Variants in IQUB observed in about 807,000 individuals in gnomAD.
IQUB encodes the protein IQ motif and ubiquitin-like domain-containing protein.
In IQUB, 86 loss-of-function variants were observed where a neutral mutation model predicts 86.4. The ratio of observed to expected loss-of-function variants is 1.00; its 90% CI spans 0.84 to 1.19. IQUB has a LOEUF of 1.19. Ranked by LOEUF, IQUB falls within the 50% of genes most tolerant of loss-of-function variation. The probability of loss-of-function intolerance (pLI) is 0.00; values close to 1 mark genes in which losing one functional copy is unlikely to be tolerated. For synonymous variants in IQUB, 289 were observed against 304.5 expected, an observed-to-expected ratio of 0.95 and a Z score of 0.53; for missense variants, 946 against 916.9, an observed-to-expected ratio of 1.03 and a Z score of -0.41.
intron 1 of IQUB, among the ~76,000 whole-genome samples, chr7:123,529,370 C>T (rs553909685): frequency 4.5e-4 from 69 of 151,756 alleles, no homozygotes; most frequent in African/African-American, 1.5e-3. Flanking sequence ...ATGTAAAATA[C>T]GATTCTGCCG....
rs369481697 is a variant in IQUB, at chr7:123,454,396, TAAGTA to T, written c.2194-1476_2194-1472del. Among the ~76,000 whole-genome samples the T allele has an allele frequency of 3.0e-4, 46 of 152,174 alleles. No individual in the cohort carries two copies. In the East Asian group the frequency reaches 8.3e-3, roughly 27 times the overall value. ...TTCCATATTATATTATTTATATTGTTAAGTAAAGCAAAGAAACTAAGTCTCAGAGT... is the reference window on the plus strand; with the variant it reads ...TTCCATATTATATTATTTATATTGTTAAGCAAAGAAACTAAGTCTCAGAGT... On this transcript the variant is annotated intron_variant, in intron 12 of 12. Transcript: ENST00000324698.
intron 6 of IQUB, among the ~76,000 whole-genome samples, chr7:123,498,727 GA>G (rs1795813684): frequency 6.6e-6 from 1 of 152,160 alleles, no homozygotes; most frequent in Admixed American, 6.5e-5. Context: ...CCAGTAAATA[GA>G]GGGAAAAGGA....
rs557412621 is a variant in IQUB, at chr7:123,526,326, T to G, written c.-5+8166A>C. ...GTGTTAAAGTCTCCCATTATTAATG[T>G]GTGGGAGTCTAAGTCTCTTTGTAGG... is the stretch of plus-strand genomic sequence containing the variant. On this transcript the variant is annotated intron_variant, in intron 1 of 12. Transcript: ENST00000324698. Among the ~76,000 whole-genome samples, 103 of 151,712 alleles carry G rather than the reference T, an allele frequency of 6.8e-4. 1 individual carries two copies. The highest frequency in any genetic ancestry group is 1.0e-3 in the Non-Finnish European group (70 of 67,632).
At position 123,496,813 on chromosome 7, in the gene IQUB, T is replaced by C; in HGVS notation, c.1117A>G (p.Thr373Ala). 1 of 1,612,808 alleles carries C rather than the reference T, an allele frequency of 6.2e-7. No homozygotes were observed. Among genetic ancestry groups the C allele is most frequent in the African/African-American group, 1.3e-5 (1 of 75,024 alleles). ...CTTATCTTCCTTAGTTCTTGCTGTG[T>C]TTCCCATTCCAGTCTTAAGCTTTTC... ...RQKSLRLEWE[T>A]QQELRKIREK... is the part of the protein sequence containing the mutation. The change falls in exon 7 of 13, where the codon ACA becomes GCA. Residue 373 changes from threonine (T) to alanine (A), a missense_variant. Transcript: ENST00000324698.
rs569667111 is a variant in IQUB, at chr7:123,531,402, G to A, written c.-5+3090C>T. Among the ~76,000 whole-genome samples, 4 of 152,024 alleles carry A rather than the reference G, an allele frequency of 2.6e-5. No individual in the cohort carries two copies. The South Asian group carries it at 8.3e-4, about 32-fold the overall frequency. On this transcript the variant is annotated intron_variant, in intron 1 of 12. Coordinates refer to ENST00000324698, the MANE Select transcript of IQUB (RefSeq NM_178827.5). Reference sequence around the variant, plus strand: ...ACTGCTTGGAGGCAACACCAAACACGACACATAAATCATTGTTGAAAAAAA... The same window carrying A: ...ACTGCTTGGAGGCAACACCAAACACAACACATAAATCATTGTTGAAAAAAA...
At chr7:123,521,739 T>C (rs753883295) in intron 1 of IQUB, among the ~76,000 whole-genome samples, 1 of 151,966 alleles carries the variant, frequency 6.6e-6, no homozygotes, top group Non-Finnish European at 1.5e-5. Context: ...CTAAGGTTCA[T>C]AGGTCCTTAA....
Position 123,469,253 on chromosome 7 carries a change from C to T in IQUB, c.1542G>A (p.Glu514=), listed in dbSNP as rs781689082. 1.9e-6 allele frequency: 3 copies of T among 1,602,992 alleles called. No individual in the cohort carries two copies. The highest frequency in any genetic ancestry group is 2.6e-6 in the Non-Finnish European group (3 of 1,175,142). ...CIMLKNISQD[E]RLDVLLTLKH... is the part of the protein sequence containing the mutation. ...TAAGAGTTAACAGCACATCCAGCCTCTCATCTTGGGAGATATTTTTCAGCA... is the reference window on the plus strand; with the variant it reads ...TAAGAGTTAACAGCACATCCAGCCTTTCATCTTGGGAGATATTTTTCAGCA... The change falls in exon 9 of 13, where the codon GAG becomes GAA. Residue 514 remains glutamate, a synonymous_variant. Coordinates refer to ENST00000324698, the MANE Select transcript of IQUB (RefSeq NM_178827.5).
At position 123,512,251 on chromosome 7, in the gene IQUB, T is replaced by G. The variant is rs749052376; in HGVS notation, c.90A>C (p.Pro30=). 11 of 1,613,518 alleles carry G rather than the reference T, an allele frequency of 6.8e-6. No individual in the cohort carries two copies. The highest frequency in any genetic ancestry group is 6.7e-5 in the Admixed American group (4 of 60,010). The change falls in exon 2 of 13, where the codon CCA becomes CCC. Residue 30 remains proline (P), a synonymous_variant. Transcript: ENST00000324698. ...SDDAFDTVTI[P]VPSEEPQESD... ...ACTCTTGAGGCTCTTCTGAGGGAAC[T>G]GGAATAGTGACAGTATCAAAAGCAT...
At chr7:123,525,429 G>A (rs1303899874) in intron 1 of IQUB, among the ~76,000 whole-genome samples, 1 of 152,108 alleles carries the variant, frequency 6.6e-6, no homozygotes, top group East Asian at 1.9e-4. Flanking sequence ...TTTAGTCTTG[G>A]GAGAGTGTAT....
At chr7:123,454,654 T>C (rs1220613117) in intron 12 of IQUB, among the ~76,000 whole-genome samples, 3 of 152,140 alleles carry the variant, frequency 2.0e-5, no homozygotes, top group African/African-American at 7.2e-5. Flanking sequence ...ACAAATTCTT[T>C]GGGTGTACAA....
chr7:123,472,511 A>T (rs1490478090), intron 8 of IQUB, among the ~76,000 whole-genome samples: 1 of 152,208 alleles, frequency 6.6e-6, no homozygotes, highest in Admixed American at 6.5e-5. Flanking sequence ...GACTGTAGAT[A>T]AATAGGTAAC....
chr7:123,527,806 A>T (rs1204751440), intron 1 of IQUB, among the ~76,000 whole-genome samples: 1 of 152,038 alleles, frequency 6.6e-6, no homozygotes, highest in Non-Finnish European at 1.5e-5. Context: ...GAGCCTACAG[A>T]GGCAGGCAGG....
chr7:123,469,759 T>C (rs1015418278), intron 8 of IQUB, among the ~76,000 whole-genome samples: 2 of 152,220 alleles, frequency 1.3e-5, no homozygotes, highest in African/African-American at 4.8e-5. Flanking sequence ...GCCTTGCCAA[T>C]TGAATATAAC....
intron 7 of IQUB, among the ~76,000 whole-genome samples, chr7:123,492,949 C>T (rs1183900881): frequency 6.6e-6 from 1 of 152,144 alleles, no homozygotes; most frequent in African/African-American, 2.4e-5. Context: ...CCTCAAATTG[C>T]CCTGTTGCAG....
In IQUB at chr7:123,523,543, T is replaced by C. The variant is rs562577363; in HGVS notation, c.-5+10949A>G. Among the ~76,000 whole-genome samples the C allele has an allele frequency of 5.3e-5, 8 of 152,298 alleles. No individual in the cohort carries two copies. The East Asian group carries it at 7.7e-4, about 15-fold the overall frequency. The stretch of plus-strand genomic sequence containing the variant: ...TTCATCTCCTTTGCCCACTTTTTGA[T>C]GGGGTAGTTTGTTTTTTTCTTGTAA... On this transcript the variant is annotated intron_variant, in intron 1 of 12. Coordinates refer to ENST00000324698, the MANE Select transcript of IQUB (RefSeq NM_178827.5).
At chr7:123,470,109 T>C (rs1794455016) in intron 8 of IQUB, among the ~76,000 whole-genome samples, 1 of 152,118 alleles carries the variant, frequency 6.6e-6, no homozygotes, top group South Asian at 2.1e-4. Context: ...AATTCAGAGA[T>C]TAGAGACAGG....
chr7:123,533,326 TGTTA>T (rs1797629542), intron 1 of IQUB, among the ~76,000 whole-genome samples: 1 of 152,244 alleles, frequency 6.6e-6, no homozygotes, highest in Non-Finnish European at 1.5e-5. Context: ...ATCTTAATTT[TGTTA>T]AATTCCATCA....
intron 6 of IQUB, 48 bp downstream of exon 6, chr7:123,502,549 C>T: frequency 1.3e-6 from 2 of 1,538,152 alleles, no homozygotes; most frequent in Non-Finnish European, 1.8e-6. Context: ...GAACAACTGG[C>T]TTATATATCA....
In IQUB at chr7:123,496,738, T is replaced by C. The variant is rs758376272; in HGVS notation, c.1192A>G (p.Lys398Glu). ...AGAAATTCAAAATCTTCATTTGTTT[T>C]AGGATTATGCCTCCGGTGATAGTCC... The part of the protein sequence containing the change: ...KLDYHRRHNP[K>E]TNEDFEFLYN... Residue 398 changes from lysine (K) to glutamate (E), a missense_variant, in exon 7 of 13, where the codon AAA (lysine) becomes GAA (glutamate). Coordinates refer to ENST00000324698, the MANE Select transcript of IQUB (RefSeq NM_178827.5). 2 of 1,610,666 alleles carry C rather than the reference T, an allele frequency of 1.2e-6. No homozygotes were observed. Among genetic ancestry groups the C allele is most frequent in the East Asian group, 4.5e-5 (2 of 44,710 alleles).
Sources: gnomAD v4.1 joint callset for allele counts (sites outside exome capture counted in the v4.1 genomes callset) on GRCh38, gnomAD v4.1.1 for gene constraint, MANE v1.5 for transcripts, NCBI Gene and HGNC (gene_info 2026-07-23, HGNC 2026-07-21) for gene names.